The following GRB2 variants were observed in gnomAD, a reference collection of about 807,000 sequenced individuals.
GRB2 encodes growth factor receptor-bound protein 2.
GRB2 carries 2 observed loss-of-function variants against 27.4 expected under a neutral mutation model. The ratio of observed to expected loss-of-function variants is 0.07; its 90% CI spans 0.03 to 0.23. The LOEUF is 0.23. GRB2 is among the 10% of genes least tolerant of loss of function. GRB2 has a pLI of 1.00. For synonymous variants in GRB2, 94 were observed against 99.6 expected (o/e 0.94, Z 0.33); for missense variants, 102 against 282.4 (o/e 0.36, Z 4.58).
At chr17:75,387,754 T>C (rs2078973852) in intron 2 of GRB2, 1 of 151,608 alleles carries the variant, frequency 6.6e-6, no homozygotes, top group Non-Finnish European at 1.5e-5. Context: ...GCCAAGATCG[T>C]GCGATTGCAC....
At chr17:75,380,271 A>G (rs922220118) in intron 2 of GRB2, among the ~76,000 whole-genome samples, 14 of 152,118 alleles carry the variant, frequency 9.2e-5, no homozygotes, top group Admixed American at 6.6e-4. Context: ...TGACCTGCAA[A>G]CTGACATCTG....
chr17:75,377,354 T>C (rs1251052914), intron 2 of GRB2, among the ~76,000 whole-genome samples: 1 of 151,596 alleles, frequency 6.6e-6, no homozygotes, highest in East Asian at 1.9e-4. Flanking sequence ...GGCAGAGTGG[T>C]TCATGCCTGT....
chr17:75,364,606 T>C (rs1373338226), intron 2 of GRB2, among the ~76,000 whole-genome samples: 2 of 152,066 alleles, frequency 1.3e-5, no homozygotes, highest in Non-Finnish European at 2.9e-5. Flanking sequence ...TTTTATACCA[T>C]CTTTAATGGA....
chr17:75,351,415 G>A (rs1346883714), intron 2 of GRB2, among the ~76,000 whole-genome samples: 1 of 152,148 alleles, frequency 6.6e-6, no homozygotes, highest in Non-Finnish European at 1.5e-5. Context: ...TTGAGAGGCT[G>A]AGGCGGAAGA....
intron 3 of GRB2, among the ~76,000 whole-genome samples, chr17:75,328,038 A>C (rs1451516602): frequency 6.6e-6 from 1 of 152,186 alleles, no homozygotes; most frequent in East Asian, 1.9e-4. Flanking sequence ...ATATAAAAGG[A>C]CAGGCTGGGC....
chr17:75,391,705 G>GGA (rs2078999718), intron 2 of GRB2, among the ~76,000 whole-genome samples: 1 of 151,828 alleles, frequency 6.6e-6, no homozygotes, highest in Non-Finnish European at 1.5e-5. Context: ...CTACTCGGGA[G>GGA]GCTGAGGCAG....
intron 2 of GRB2, among the ~76,000 whole-genome samples, chr17:75,377,127 C>G (rs544772422): frequency 6.6e-6 from 1 of 150,554 alleles, no homozygotes; most frequent in Non-Finnish European, 1.5e-5. Context: ...ACATAGTGAC[C>G]CCCCGCTACA....
intron 2 of GRB2, among the ~76,000 whole-genome samples, chr17:75,374,637 T>A (rs532573124): frequency 3.3e-5 from 5 of 150,480 alleles, no homozygotes; most frequent in African/African-American, 1.2e-4. Flanking sequence ...ACACACACAC[T>A]CTAGCCGAGT....
chr17:75,351,326 T>C (rs1029688757), intron 2 of GRB2, among the ~76,000 whole-genome samples: 1 of 152,094 alleles, frequency 6.6e-6, no homozygotes, highest in African/African-American at 2.4e-5. Context: ...TGTCATATCA[T>C]AGGCTTCTCA....
intron 2 of GRB2, among the ~76,000 whole-genome samples, chr17:75,367,596 G>A (rs747415230): frequency 6.6e-6 from 1 of 152,178 alleles, no homozygotes; most frequent in Non-Finnish European, 1.5e-5. Context: ...GCATAAAGAA[G>A]TTACCTTGTG....
intron 2 of GRB2, among the ~76,000 whole-genome samples, chr17:75,376,837 A>C (rs73358266): frequency 0.021 from 3,140 of 152,094 alleles, 107 homozygotes; most frequent in African/African-American, 0.07. Flanking sequence ...CTCCATCCCT[A>C]CAAAACAAAA....
At chr17:75,337,706 G>A (rs1384297002) in intron 2 of GRB2, among the ~76,000 whole-genome samples, 1 of 150,016 alleles carries the variant, frequency 6.7e-6, no homozygotes, top group Non-Finnish European at 1.5e-5. Context: ...GAGTAGCTGG[G>A]ACTACAGGCG....
chr17:75,358,882 CA>C (rs71159498), intron 2 of GRB2, among the ~76,000 whole-genome samples: 11,968 of 94,070 alleles, frequency 0.13, 1,546 homozygotes, highest in African/African-American at 0.35. Flanking sequence ...GACTCTGTCT[CA>C]AAAAAAAAAA....
chr17:75,352,501 A>G lies in GRB2; in HGVS notation c.79-19704T>C, dbSNP rs537660122. Among the ~76,000 whole-genome samples the G allele has an allele frequency of 5.3e-5, 8 of 152,324 alleles. No individual in the cohort carries two copies. The South Asian group carries it at 1.4e-3, about 28-fold the overall frequency. ...AAAGGAGAAATGTGTGTACAATCCC[A>G]TGATTCTGGGTCAGGCCCCAGTACC... On this transcript the variant is annotated intron_variant, in intron 2 of 5. Coordinates refer to ENST00000316804, the MANE Select transcript of GRB2 (RefSeq NM_002086.5).
At chr17:75,390,995 T>C (rs1344382905) in intron 2 of GRB2, among the ~76,000 whole-genome samples, 1 of 152,222 alleles carries the variant, frequency 6.6e-6, no homozygotes, top group African/African-American at 2.4e-5. Flanking sequence ...GCAATTCAAA[T>C]GAAGCCAGTT....
intron 2 of GRB2, among the ~76,000 whole-genome samples, chr17:75,379,549 C>A (rs2078914736): frequency 6.6e-6 from 1 of 152,034 alleles, no homozygotes; most frequent in Non-Finnish European, 1.5e-5. Flanking sequence ...CAGGCATGCA[C>A]CACCACACCT....
At chr17:75,375,893 T>A (rs1208430082) in intron 2 of GRB2, among the ~76,000 whole-genome samples, 1 of 151,246 alleles carries the variant, frequency 6.6e-6, no homozygotes, top group Non-Finnish European at 1.5e-5. Flanking sequence ...GGCGTGGTGG[T>A]GGGCGCCTGT....
intron 2 of GRB2, among the ~76,000 whole-genome samples, chr17:75,367,768 C>T (rs2078829254): frequency 6.6e-6 from 1 of 152,206 alleles, no homozygotes; most frequent in Admixed American, 6.5e-5. Context: ...CTGTTAATGA[C>T]ACCAATATTT....
intron 2 of GRB2, among the ~76,000 whole-genome samples, chr17:75,346,945 G>C (rs2078659565): frequency 6.6e-6 from 1 of 152,100 alleles, no homozygotes; most frequent in African/African-American, 2.4e-5. Flanking sequence ...TCAATGGGGA[G>C]GCCTGCAGAA....
Sources: gnomAD v4.1 joint callset for allele counts (sites outside exome capture counted in the v4.1 genomes callset) on GRCh38, gnomAD v4.1.1 for gene constraint, MANE v1.5 for transcripts, NCBI Gene and HGNC (gene_info 2026-07-23, HGNC 2026-07-21) for gene names.